Variants in SNX29 observed in about 807,000 individuals in gnomAD.
SNX29 encodes sorting nexin 29.
SNX29 carries 78 observed loss-of-function variants against 102.1 expected under a neutral mutation model. The observed-to-expected ratio is 0.76, with a 90% confidence interval of 0.64 to 0.92. The LOEUF is 0.92. Among genes scored for constraint, SNX29 ranks in the 40% least tolerant of loss-of-function variants. The pLI is 0.00. For missense variants in SNX29, 1,280 were observed against 1,061.7 expected (o/e 1.21, Z -2.86); for synonymous variants, 580 against 414.5 (o/e 1.40, Z -4.85).
At chr16:12,559,953 T>A (rs1014948243) in intron 20 of SNX29, among the ~76,000 whole-genome samples, 1 of 152,180 alleles carries the variant, frequency 6.6e-6, no homozygotes, top group African/African-American at 2.4e-5. Context: ...CACTCCAGCC[T>A]GGGCAACAGA....
rs58148692 is a variant in SNX29 at position 12,339,370 on chromosome 16, CAAAAAAAAA to C, written c.1783-16777_1783-16769del. 1.4e-4 allele frequency among the ~76,000 whole-genome samples: 8 copies of C among 56,280 alleles called. No individual in the cohort carries two copies. The East Asian group carries it at 4.1e-3, about 29-fold the overall frequency. The allele number at this position is 56,280 out of a possible 152,430, so 36.9% of individuals were successfully genotyped here. On this transcript the variant is annotated intron_variant, in intron 15 of 20. Coordinates refer to ENST00000566228, the MANE Select transcript of SNX29 (RefSeq NM_032167.5). ...TGGGCGACAGAGTGAGATTCTGTCT[CAAAAAAAAA>C]AAAAAAAAAAAAAAAGATTATGGGT...
intron 15 of SNX29, among the ~76,000 whole-genome samples, chr16:12,279,999 G>GGA (rs1158996588): frequency 6.6e-6 from 1 of 152,200 alleles, no homozygotes; most frequent in Non-Finnish European, 1.5e-5. Context: ...CGCTCTCCGT[G>GGA]GAGATTCTCC....
intron 11 of SNX29, among the ~76,000 whole-genome samples, chr16:12,116,788 AC>A (rs1261258829): frequency 6.6e-6 from 1 of 152,224 alleles, no homozygotes; most frequent in Non-Finnish European, 1.5e-5. Context: ...CTTAGTCAAT[AC>A]CTGCTTCAAC....
intron 4 of SNX29, among the ~76,000 whole-genome samples, chr16:12,029,965 G>A (rs1374614777): frequency 1.3e-5 from 2 of 152,086 alleles, no homozygotes; most frequent in East Asian, 1.9e-4. Flanking sequence ...CAAGGTGATC[G>A]GGGCCATTCA....
intron 15 of SNX29, among the ~76,000 whole-genome samples, chr16:12,304,464 C>A (rs779543490): frequency 6.6e-6 from 1 of 152,204 alleles, no homozygotes; most frequent in Non-Finnish European, 1.5e-5. Context: ...ACATTTAATT[C>A]ATTTTGCAGT....
intron 14 of SNX29, among the ~76,000 whole-genome samples, chr16:12,262,644 A>T (rs2078810968): frequency 6.6e-6 from 1 of 152,212 alleles, no homozygotes; most frequent in Non-Finnish European, 1.5e-5. Context: ...TCTGATAGAA[A>T]ACAAAACCAG....
rs762860282 is a variant in SNX29, at chr16:12,569,670, C to T, written c.*1041C>T. 78 of 229,998 alleles carry T rather than the reference C, an allele frequency of 3.4e-4. No individual in the cohort carries two copies. The highest frequency in any genetic ancestry group is 1.6e-3 in the African/African-American group (73 of 45,246). 14.2% of individuals were successfully genotyped at this position (229,998 alleles called of 1,614,324 possible). On this transcript the variant is annotated 3_prime_UTR_variant, in exon 21 of 21. Transcript: ENST00000566228. ...CCTCTGTTCCTCCCATGTCAGGTGG[C>T]TCTCAGAGTACAGGGACCTTGGCAG...
chr16:12,204,926 C>G (rs1207577074), intron 14 of SNX29, among the ~76,000 whole-genome samples: 1 of 151,910 alleles, frequency 6.6e-6, no homozygotes, highest in Non-Finnish European at 1.5e-5. Flanking sequence ...CCCAGTGATT[C>G]CCAGCTCCAC....
intron 14 of SNX29, among the ~76,000 whole-genome samples, chr16:12,233,178 G>GT (rs1389147847): frequency 6.6e-6 from 1 of 152,038 alleles, no homozygotes; most frequent in African/African-American, 2.4e-5. Context: ...GCAAAAACAT[G>GT]TAGTCAGTCC....
At chr16:12,403,346 A>G in intron 17 of SNX29, 102 bp from the exon 18 acceptor site, 1 of 1,169,502 alleles carries the variant, frequency 8.6e-7, no homozygotes, top group Non-Finnish European at 1.2e-6. Context: ...TGTGCATAAT[A>G]CCTCTTGGAG....
chr16:12,277,369 A>G (rs1297002194), intron 14 of SNX29, among the ~76,000 whole-genome samples: 3 of 152,100 alleles, frequency 2.0e-5, no homozygotes, highest in South Asian at 2.1e-4. Flanking sequence ...TTGTGCCACT[A>G]TACTCCAGCC....
chr16:12,229,282 A>G (rs1452706735), intron 14 of SNX29, among the ~76,000 whole-genome samples: 1 of 152,240 alleles, frequency 6.6e-6, no homozygotes, highest in East Asian at 1.9e-4. Context: ...CCTGGCACAT[A>G]GTAGGTGTTC....
intron 4 of SNX29, among the ~76,000 whole-genome samples, chr16:12,041,573 T>G (rs773560345): frequency 1.2e-4 from 19 of 152,242 alleles, no homozygotes; most frequent in Non-Finnish European, 2.6e-4. Flanking sequence ...TTCCAGAGGC[T>G]TCAGGGCTGA....
At position 12,570,901 on chromosome 16, in the gene SNX29, C is replaced by G. The variant is rs138145372; in HGVS notation, c.*2272C>G. The G allele has an allele frequency of 4.7e-4, 107 of 226,788 alleles. 1 individual carries two copies. Among genetic ancestry groups the G allele is most frequent in the African/African-American group, 2.1e-3 (94 of 43,882 alleles). 14.0% of individuals were successfully genotyped at this position (226,788 alleles called of 1,614,324 possible). On this transcript the variant is annotated 3_prime_UTR_variant, in exon 21 of 21. Transcript: ENST00000566228. Reference sequence around the variant, plus strand: ...TAATACTGAATTATTCACAAAAAACCTGGTCTGCTCTCCAAAATGAGAGCA... The same window carrying G: ...TAATACTGAATTATTCACAAAAAACGTGGTCTGCTCTCCAAAATGAGAGCA...
chr16:12,141,143 A>T (rs1320001192), intron 13 of SNX29, among the ~76,000 whole-genome samples: 3 of 152,232 alleles, frequency 2.0e-5, no homozygotes, highest in Non-Finnish European at 4.4e-5. Context: ...GAAAAAGAGC[A>T]GAGAGTGGGT....
chr16:12,163,817 C>G (rs2055895727), intron 13 of SNX29, among the ~76,000 whole-genome samples: 1 of 152,174 alleles, frequency 6.6e-6, no homozygotes, highest in Non-Finnish European at 1.5e-5. Flanking sequence ...GGCTCTGTTT[C>G]TGGCTTGCTC....
intron 20 of SNX29, among the ~76,000 whole-genome samples, chr16:12,538,423 A>G (rs2077175339): frequency 6.6e-6 from 1 of 152,204 alleles, no homozygotes; most frequent in African/African-American, 2.4e-5. Context: ...GTCTGGGAGT[A>G]ATAACTGAGA....
chr16:12,201,386 C>G (rs1334009643), intron 14 of SNX29, among the ~76,000 whole-genome samples: 1 of 152,224 alleles, frequency 6.6e-6, no homozygotes, highest in Non-Finnish European at 1.5e-5. Context: ...TAGCCCTTTA[C>G]AGCCTTTCCA....
At chr16:12,370,764 C>T (rs1481492247) in intron 16 of SNX29, among the ~76,000 whole-genome samples, 1 of 152,144 alleles carries the variant, frequency 6.6e-6, no homozygotes, top group Non-Finnish European at 1.5e-5. Context: ...GTTTGGTTCC[C>T]TGGCCAGCTG....
Sources: allele counts gnomAD v4.1 joint callset (sites outside exome capture counted in the v4.1 genomes callset), GRCh38; gene constraint gnomAD v4.1.1; transcripts MANE v1.5; gene names NCBI Gene and HGNC (gene_info 2026-07-23, HGNC 2026-07-21).